Variants in UMAD1 observed in about 807,000 individuals in gnomAD.
The protein encoded by UMAD1 is UBAP1-MVB12-associated (UMA) domain containing 1.
A neutral mutation model predicts 6.1 loss-of-function variants in UMAD1; 8 were observed. The observed-to-expected ratio is 1.30, with a 90% CI of 0.76 to 2.35. UMAD1 has a LOEUF of 2.35. Among genes scored for constraint, UMAD1 ranks in the 30% most tolerant of loss-of-function variants. The pLI is 0.00. For synonymous variants in UMAD1, 56 were observed against 31.4 expected, an observed-to-expected ratio of 1.78 and a Z score of -2.61; for missense variants, 130 against 78.4, an observed-to-expected ratio of 1.66 and a Z score of -2.49.
intron 3 of UMAD1, among the ~76,000 whole-genome samples, chr7:7,874,824 G>T (rs958032001): frequency 4.6e-5 from 7 of 152,170 alleles, no homozygotes; most frequent in Admixed American, 4.6e-4. Flanking sequence ...GATTGTGACT[G>T]CAAGAGAACA....
At position 7,840,326 on chromosome 7, in the gene UMAD1, C is replaced by A. The variant is rs547797698; in HGVS notation, c.157-36955C>A. On this transcript the variant is annotated intron_variant, in intron 3 of 3. Transcript: ENST00000682710. Reference sequence around the variant, plus strand: ...GTTGTATATGCTCGTGGTCTTCAACCCCGACTGCACATCAGAATAATCTGA... The same window carrying A: ...GTTGTATATGCTCGTGGTCTTCAACACCGACTGCACATCAGAATAATCTGA... Among the ~76,000 whole-genome samples the A allele has an allele frequency of 7.9e-5, 12 of 152,130 alleles. No individual in the cohort carries two copies. The South Asian group carries it at 2.5e-3, about 32-fold the overall frequency.
intron 2 of UMAD1, among the ~76,000 whole-genome samples, chr7:7,747,202 T>A (rs1022085127): frequency 1.3e-5 from 2 of 152,154 alleles, no homozygotes; most frequent in Non-Finnish European, 2.9e-5. Flanking sequence ...TGTTTTGGAG[T>A]TGCTACAGGA....
chr7:7,677,099 T>A (rs1165431541), intron 2 of UMAD1, among the ~76,000 whole-genome samples: 1 of 152,138 alleles, frequency 6.6e-6, no homozygotes, highest in Non-Finnish European at 1.5e-5. Context: ...TTGTTTTAAA[T>A]TTTTTATTTT....
At chr7:7,819,592 C>T (rs1783203008) in intron 3 of UMAD1, among the ~76,000 whole-genome samples, 2 of 152,100 alleles carry the variant, frequency 1.3e-5, no homozygotes, top group Non-Finnish European at 2.9e-5. Context: ...TTTTTCCACG[C>T]CTGTTGACAT....
chr7:7,758,257 G>A (rs1296164809), intron 2 of UMAD1, among the ~76,000 whole-genome samples: 1 of 151,930 alleles, frequency 6.6e-6, no homozygotes, highest in East Asian at 1.9e-4. Context: ...GAGAACTAGA[G>A]TCGTCTTTGC....
At chr7:7,817,854 C>T (rs778839617) in intron 3 of UMAD1, among the ~76,000 whole-genome samples, 38 of 152,102 alleles carry the variant, frequency 2.5e-4, no homozygotes, top group Non-Finnish European at 5.1e-4. Context: ...CACTCTGTCA[C>T]CTGGGCTGGA....
rs534726788 is a variant in UMAD1, at chr7:7,841,003, A to G, written c.157-36278A>G. On this transcript the variant is annotated intron_variant, in intron 3 of 3. Coordinates refer to ENST00000682710, the MANE Select transcript of UMAD1 (RefSeq NM_001302348.2). ...CTAAAGGCTAAGACAGCTGGTTGCT[A>G]TTTTCCTGCCAATAGGAACCTTAGA... Among the ~76,000 whole-genome samples the G allele has an allele frequency of 2.6e-4, 39 of 152,206 alleles. 1 individual carries two copies. In the South Asian group the frequency reaches 7.9e-3, roughly 31 times the overall value.
intron 2 of UMAD1, among the ~76,000 whole-genome samples, chr7:7,722,541 T>C (rs2115184723): frequency 6.6e-6 from 1 of 152,256 alleles, no homozygotes; most frequent in East Asian, 1.9e-4. Context: ...AACTAAGGAA[T>C]GTAATGAAGT....
chr7:7,700,583 A>G (rs1380601370), intron 2 of UMAD1, among the ~76,000 whole-genome samples: 1 of 151,954 alleles, frequency 6.6e-6, no homozygotes, highest in Admixed American at 6.6e-5. Flanking sequence ...CAACAAACAA[A>G]CAAACAAACA....
chr7:7,689,925 C>G (rs1481948283), intron 2 of UMAD1, among the ~76,000 whole-genome samples: 1 of 152,144 alleles, frequency 6.6e-6, no homozygotes, highest in Non-Finnish European at 1.5e-5. Flanking sequence ...GTTAAACATG[C>G]TCACATAATA....
chr7:7,673,987 T>A (rs1018361860), intron 2 of UMAD1, among the ~76,000 whole-genome samples: 2 of 152,346 alleles, frequency 1.3e-5, no homozygotes, highest in Middle Eastern at 3.4e-3. Context: ...AATACAGTGT[T>A]CTTCACCAGG....
chr7:7,726,102 G>A (rs1196290141), intron 2 of UMAD1, among the ~76,000 whole-genome samples: 1 of 152,204 alleles, frequency 6.6e-6, no homozygotes, highest in Non-Finnish European at 1.5e-5. Flanking sequence ...TCAGGGACTT[G>A]GAAGAAGCAT....
intron 2 of UMAD1, among the ~76,000 whole-genome samples, chr7:7,747,119 G>A: frequency 6.6e-6 from 1 of 152,096 alleles, no homozygotes; most frequent in East Asian, 1.9e-4. Flanking sequence ...GTGAGAAATA[G>A]TAATGAGATA....
intron 3 of UMAD1, among the ~76,000 whole-genome samples, chr7:7,869,376 G>T (rs369651383): frequency 2.6e-4 from 39 of 152,344 alleles, no homozygotes; most frequent in Admixed American, 7.2e-4. Context: ...TAAAGGCATA[G>T]ACAGCCAGAG....
intron 3 of UMAD1, among the ~76,000 whole-genome samples, chr7:7,813,615 A>G (rs1783067736): frequency 6.6e-6 from 1 of 151,738 alleles, no homozygotes; most frequent in Non-Finnish European, 1.5e-5. Context: ...AAAAAAGCAT[A>G]TGAAAACTTT....
chr7:7,877,698 G>C lies in UMAD1; in HGVS notation c.*160G>C, dbSNP rs920283045. 3.4e-6 allele frequency: 2 copies of C among 584,304 alleles called. No homozygotes were observed. Among genetic ancestry groups the C allele is most frequent in the African/African-American group, 3.7e-5 (2 of 53,604 alleles). 36.2% of individuals were successfully genotyped at this position (584,304 alleles called of 1,614,324 possible). On this transcript the variant is annotated 3_prime_UTR_variant, in exon 4 of 4. Transcript: ENST00000682710. Reference sequence around the variant, plus strand: ...TCACTACTCTATTTTTAAGAAAAAGGTACATTTGTATACAAATTGAACTTA... The same window carrying C: ...TCACTACTCTATTTTTAAGAAAAAGCTACATTTGTATACAAATTGAACTTA...
At chr7:7,760,412 A>AAATAATAATAAT (rs71014709) in intron 2 of UMAD1, among the ~76,000 whole-genome samples, 56 of 142,700 alleles carry the variant, frequency 3.9e-4, no homozygotes, top group South Asian at 1.3e-3. Flanking sequence ...AAAAAATACA[A>AAATAATAATAAT]AATAATAATA....
chr7:7,676,072 A>C (rs1294838361), intron 2 of UMAD1: 2 of 398,276 alleles, frequency 5.0e-6, no homozygotes, highest in African/African-American at 4.1e-5. Flanking sequence ...TTCTCTTTTC[A>C]TCATTCATCC....
rs572574915 is a variant in UMAD1, at chr7:7,717,088, G to C, written c.82+43635G>C. 8.8e-5 allele frequency among the ~76,000 whole-genome samples: 12 copies of C among 135,800 alleles called. 1 individual carries two copies. Among genetic ancestry groups the C allele is most frequent in the African/African-American group, 3.4e-4 (12 of 35,090 alleles). 89.1% of individuals were successfully genotyped at this position (135,800 alleles called of 152,430 possible). On this transcript the variant is annotated intron_variant, in intron 2 of 3. Coordinates refer to ENST00000682710, the MANE Select transcript of UMAD1 (RefSeq NM_001302348.2). ...TTTTTTTTTTTTGAGACGGAGTCTT[G>C]GTCTGTTGCCCAGGCTGGAGTGCAA...
Sources: gnomAD v4.1 joint callset for allele counts (sites outside exome capture counted in the v4.1 genomes callset) on GRCh38, gnomAD v4.1.1 for gene constraint, MANE v1.5 for transcripts, NCBI Gene and HGNC (gene_info 2026-07-23, HGNC 2026-07-21) for gene names.